The following TRANK1 variants were observed in gnomAD, a reference collection of about 807,000 sequenced individuals.
TRANK1 encodes TPR and ankyrin repeat-containing protein 1.
Under a neutral mutation model 266.0 loss-of-function variants are expected in TRANK1, and 198 were observed. The ratio of observed to expected loss-of-function variants is 0.74; its 90% CI spans 0.66 to 0.84. The LOEUF (loss-of-function observed/expected upper bound fraction) is 0.84. Ranked by LOEUF, TRANK1 falls within the 40% of genes least tolerant of loss-of-function variation. The pLI, the probability that TRANK1 is intolerant of heterozygous loss-of-function variation, is 0.00. For synonymous variants in TRANK1, 1,396 were observed against 1,384.1 expected, an observed-to-expected ratio of 1.01 and a Z score of -0.19; for missense variants, 3,326 against 3,634.6, an observed-to-expected ratio of 0.92 and a Z score of 2.18.
chr3:36,879,694 AT>A (rs2079456794), intron 8 of TRANK1, among the ~76,000 whole-genome samples: 1 of 109,040 alleles, frequency 9.2e-6, no homozygotes, highest in African/African-American at 4.2e-5. Context: ...ATATAAATAT[AT>A]AAATATAAAT....
intron 3 of TRANK1, among the ~76,000 whole-genome samples, chr3:36,902,551 G>C (rs371618159): frequency 2.0e-5 from 3 of 152,222 alleles, no homozygotes; most frequent in East Asian, 3.9e-4. Flanking sequence ...TGGCACTCAG[G>C]GCATTTCTGA....
chr3:36,847,163 T>C (rs932022157), intron 16 of TRANK1, 37 bp downstream of exon 16: 1 of 1,586,600 alleles, frequency 6.3e-7, no homozygotes, highest in African/African-American at 1.3e-5. Flanking sequence ...ACTACTTCCA[T>C]GTCAAGTACA....
intron 9 of TRANK1, 52 bp downstream of exon 9, chr3:36,874,074 G>A: frequency 2.1e-6 from 3 of 1,456,250 alleles, no homozygotes; most frequent in Non-Finnish European, 2.7e-6. Context: ...TGTATCTAAT[G>A]TCACAGAACC....
At chr3:36,945,512 G>C (rs964937096), upstream of TRANK1, among the ~76,000 whole-genome samples, 5 of 152,180 alleles carry the variant, frequency 3.3e-5, no homozygotes, top group African/African-American at 2.4e-5. Context: ...GGGAGTGAAG[G>C]GGGCAGCGAG....
rs1009352770 is a variant in TRANK1 at position 36,833,164 on chromosome 3, A to T, written c.6419T>A (p.Ile2140Lys). The change falls in exon 22 of 24, where the codon ATA becomes AAA. Residue 2140 changes from isoleucine to lysine, a missense_variant. By Grantham distance (102) the Ile-to-Lys change is moderately radical. Transcript: ENST00000645898. ...CAAGTTCAAATCCAGGTCAAAAATT[A>T]TTCTTAATATGGGCCCAGGGTCATT... Reference protein sequence around the residue: ...AQNDPGPILRIIFDLDLNLRE... With the variant: ...AQNDPGPILRKIFDLDLNLRE... The T allele has an allele frequency of 6.2e-7, 1 of 1,613,698 alleles. No individual in the cohort carries two copies. Among genetic ancestry groups the T allele is most frequent in the Non-Finnish European group, 8.5e-7 (1 of 1,179,734 alleles).
chr3:36,828,201 T>G lies in TRANK1; in HGVS notation c.*74A>C. On this transcript the variant is annotated 3_prime_UTR_variant, in exon 24 of 24. Coordinates refer to ENST00000645898, the MANE Select transcript of TRANK1 (RefSeq NM_001329998.2). ...ATGCTAATTCACATTCTTTTTGTCT[T>G]CTGCCCCAGCGCTCAGAATTCTAAG... 4 of 1,109,084 alleles carry G rather than the reference T, an allele frequency of 3.6e-6. No homozygotes were observed. In the South Asian group the frequency reaches 5.4e-5, roughly 15 times the overall value. The allele number at this position is 1,109,084 out of a possible 1,614,324, so 68.7% of individuals were successfully genotyped here. A position where few individuals can be genotyped will look rare whatever the true frequency, so the allele number is the denominator to read the frequency against.
Position 36,830,978 on chromosome 3 carries a change from C to A in TRANK1, c.8605G>T (p.Val2869Leu). ...IEQSVWIHSH[V>L]GSKEHSHMLQ... Reference sequence around the variant, plus strand: ...ATGTGGCTGTGCTCCTTGGAGCCCACGTGACTGTGGATCCATACACTTTGC... The same window carrying A: ...ATGTGGCTGTGCTCCTTGGAGCCCAAGTGACTGTGGATCCATACACTTTGC... The change falls in exon 22 of 24, where the codon GTG becomes TTG. Residue 2869 changes from valine (V) to leucine (L), a missense_variant. Transcript: ENST00000645898. The A allele has an allele frequency of 6.2e-7, 1 of 1,614,042 alleles. No individual in the cohort carries two copies. Among genetic ancestry groups the A allele is most frequent in the Admixed American group, 1.7e-5 (1 of 60,028 alleles).
At chr3:36,900,870 A>AAAAAAAAAAAAAAAAAAAAAAAAAAAC (rs2079868352) in intron 3 of TRANK1, among the ~76,000 whole-genome samples, 1 of 147,512 alleles carries the variant, frequency 6.8e-6, no homozygotes, top group Non-Finnish European at 1.5e-5. Flanking sequence ...AAAAAAAAAA[A>AAAAAAAAAAAAAAAAAAAAAAAAAAAC]AAAAAAGATA....
intron 7 of TRANK1, among the ~76,000 whole-genome samples, chr3:36,891,295 A>C (rs2079691468): frequency 6.6e-6 from 1 of 152,184 alleles, no homozygotes; most frequent in East Asian, 1.9e-4. Flanking sequence ...AGCCAATATC[A>C]CGTCACTGCA....
At chr3:36,916,817 T>C (rs1575313042) in intron 1 of TRANK1, among the ~76,000 whole-genome samples, 1 of 151,708 alleles carries the variant, frequency 6.6e-6, no homozygotes, top group Non-Finnish European at 1.5e-5. Flanking sequence ...TTTTTTTTGT[T>C]TTTTGTTTTT....
At chr3:36,910,735 A>G (rs796470948) in intron 1 of TRANK1, among the ~76,000 whole-genome samples, 17 of 151,088 alleles carry the variant, frequency 1.1e-4, no homozygotes, top group African/African-American at 3.9e-4. Context: ...GTGAGACTCT[A>G]TCTCCAAAAA....
chr3:36,830,601 AC>A (rs1213885900), intron 22 of TRANK1, among the ~76,000 whole-genome samples: 1 of 152,224 alleles, frequency 6.6e-6, no homozygotes, highest in Non-Finnish European at 1.5e-5. Context: ...CAAGCTTTTA[AC>A]CCTCTGTAGG....
At chr3:36,907,603 T>C (rs1427017085) in intron 2 of TRANK1, among the ~76,000 whole-genome samples, 1 of 151,232 alleles carries the variant, frequency 6.6e-6, no homozygotes, top group Non-Finnish European at 1.5e-5. Flanking sequence ...TAGCTGGGAC[T>C]ACAGGTGCCC....
intron 1 of TRANK1, among the ~76,000 whole-genome samples, chr3:36,909,159 T>C (rs2080016591): frequency 6.6e-6 from 1 of 152,252 alleles, no homozygotes. Context: ...GCCTGCCTAC[T>C]TGTCTGTGTC....
At chr3:36,892,172 T>G (rs2079707562) in intron 7 of TRANK1, 30 bp downstream of exon 7, 1 of 1,533,962 alleles carries the variant, frequency 6.5e-7, no homozygotes, top group Admixed American at 2.0e-5. Context: ...AAGGGCAGCT[T>G]GGAGGGTGGA....
In TRANK1 at chr3:36,929,039, C is replaced by T. The variant is rs112276722; in HGVS notation, c.23+15748G>A. Among the ~76,000 whole-genome samples the T allele has an allele frequency of 9.4e-3, 1,422 of 151,994 alleles. 15 individuals are homozygous for T. Among genetic ancestry groups the T allele is most frequent in the South Asian group, 0.03 (143 of 4,808 alleles). On this transcript the variant is annotated intron_variant, in intron 1 of 23. Transcript: ENST00000645898. ...AGAAGTATCAAGAGGGAATCTTCTT[C>T]CAGGTGAGGCTTAAAGGATAAAAGT...
chr3:36,857,975 T>G lies in TRANK1; in HGVS notation c.1747A>C (p.Asn583His). ...WSNPTEFDYL[N>H]PNVQDSNGNT... ...CCATTGCTGTCCTGGACATTGGGGT[T>G]GAGGTAGTCGAATTCAGTGGGGTTG... Residue 583 changes from asparagine (N) to histidine (H), a missense_variant, in exon 13 of 24, where the codon AAC becomes CAC. Transcript: ENST00000645898. This position sits in a 1 kb window ranked among gnomAD's most constrained non-coding sequence, Gnocchi z 4.3. 6.3e-7 allele frequency: 1 copy of G among 1,599,990 alleles called. No individual in the cohort carries two copies.
intron 8 of TRANK1, among the ~76,000 whole-genome samples, chr3:36,879,693 TATAAATATAA>T (rs1575248314): frequency 1.8e-5 from 2 of 108,322 alleles, no homozygotes; most frequent in East Asian, 3.5e-4. Context: ...TATATAAATA[TATAAATATAA>T]ATATAAATAT....
chr3:36,830,334 A>C (rs1559410731), intron 22 of TRANK1, among the ~76,000 whole-genome samples: 2 of 151,754 alleles, frequency 1.3e-5, no homozygotes, highest in Non-Finnish European at 2.9e-5. Flanking sequence ...AAAAAAAAAA[A>C]CGGGAAATCT....
Sources: gnomAD v4.1 joint callset for allele counts (sites outside exome capture counted in the v4.1 genomes callset) on GRCh38, gnomAD v4.1.1 for gene constraint, Gnocchi (gnomAD v3.1) non-coding constraint, MANE v1.5 for transcripts, NCBI Gene and HGNC (gene_info 2026-07-23, HGNC 2026-07-21) for gene names.